Variants in CFAP77 observed in about 807,000 individuals in gnomAD.
CFAP77 encodes the protein cilia- and flagella-associated protein 77.
CFAP77 carries 25 observed loss-of-function variants against 31.1 expected under a neutral mutation model. The ratio of observed to expected loss-of-function variants is 0.80; its 90% CI spans 0.59 to 1.12. The LOEUF (loss-of-function observed/expected upper bound fraction) is 1.12. Among genes scored for constraint, CFAP77 ranks in the 50% most tolerant of loss-of-function variants. CFAP77 has a pLI of 0.00. For synonymous variants in CFAP77, 151 were observed against 159.9 expected, an observed-to-expected ratio of 0.94 and a Z score of 0.42; for missense variants, 377 against 397.3, an observed-to-expected ratio of 0.95 and a Z score of 0.44.
At chr9:132,543,861 G>A (rs1249484026) in intron 5 of CFAP77, among the ~76,000 whole-genome samples, 1 of 152,170 alleles carries the variant, frequency 6.6e-6, no homozygotes, top group Non-Finnish European at 1.5e-5. Context: ...GGCAGGGAAA[G>A]AACAATGTAA....
chr9:132,412,494 G>A lies in CFAP77; in HGVS notation c.195+2028G>A, dbSNP rs533900328. On this transcript the variant is annotated intron_variant, in intron 1 of 5. Transcript: ENST00000393216. ...TCAAAACCTGACATAAATAAAAGTT[G>A]GCAGAGAAATTGACCGCAAAAGGGA... Among the ~76,000 whole-genome samples the A allele has an allele frequency of 4.6e-5, 7 of 152,284 alleles. No homozygotes were observed. The East Asian group carries it at 9.6e-4, about 21-fold the overall frequency.
intron 1 of CFAP77, among the ~76,000 whole-genome samples, chr9:132,452,635 G>A (rs1381178920): frequency 6.6e-6 from 1 of 152,208 alleles, no homozygotes; most frequent in Non-Finnish European, 1.5e-5. Context: ...CCAGGAGTCA[G>A]GCCTGTGCCC....
chr9:132,421,557 G>A (rs4560912), intron 1 of CFAP77: 129,570 of 152,104 alleles, frequency 0.85, 55,637 homozygotes, highest in Middle Eastern at 0.95. Context: ...GAAAAGGGAT[G>A]GCGTGTTCAG....
intron 3 of CFAP77, among the ~76,000 whole-genome samples, chr9:132,519,974 G>A (rs981479282): frequency 6.6e-6 from 1 of 151,954 alleles, no homozygotes; most frequent in Non-Finnish European, 1.5e-5. Flanking sequence ...ACTAACGAAC[G>A]AGTGAACGTA....
intron 5 of CFAP77, among the ~76,000 whole-genome samples, chr9:132,555,449 A>G (rs1416843698): frequency 6.6e-6 from 1 of 152,230 alleles, no homozygotes; most frequent in Non-Finnish European, 1.5e-5. Context: ...CGGGCACTGC[A>G]TGGACGGCTC....
intron 5 of CFAP77, among the ~76,000 whole-genome samples, chr9:132,567,517 G>C (rs55636320): frequency 0.063 from 9,621 of 152,236 alleles, 419 homozygotes; most frequent in Non-Finnish European, 0.096. Context: ...ATGAGTGGGT[G>C]CTGGTGAGCC....
At chr9:132,496,071 C>T (rs1262273004) in intron 1 of CFAP77, among the ~76,000 whole-genome samples, 1 of 152,194 alleles carries the variant, frequency 6.6e-6, no homozygotes, top group Non-Finnish European at 1.5e-5. Context: ...TATTTATTAG[C>T]ATCTATTCTA....
intron 5 of CFAP77, among the ~76,000 whole-genome samples, chr9:132,568,501 A>G (rs894535930): frequency 1.3e-5 from 2 of 149,052 alleles, no homozygotes; most frequent in Non-Finnish European, 3.0e-5. Context: ...GGTTGCAGTG[A>G]GCCGAGATCA....
chr9:132,523,699 C>CGGCTTCCT, intron 3 of CFAP77, among the ~76,000 whole-genome samples: 1 of 152,358 alleles, frequency 6.6e-6, no homozygotes, highest in African/African-American at 2.4e-5. Flanking sequence ...GGTGAAACCT[C>CGGCTTCCT]AGGCTTCCTC....
rs1030887012 is a variant in CFAP77 at position 132,497,626 on chromosome 9, A to C, written c.196-1069A>C. Among the ~76,000 whole-genome samples, 2 of 152,126 alleles carry C rather than the reference A, an allele frequency of 1.3e-5. No homozygotes were observed. The highest frequency in any genetic ancestry group is 4.8e-5 in the African/African-American group (2 of 41,418). ...GGCAGCCAGCCTGGGTTCCAGTCCCAGCTCTGCCACTTCCTACTGCTTGAC... is the reference window on the plus strand; with the variant it reads ...GGCAGCCAGCCTGGGTTCCAGTCCCCGCTCTGCCACTTCCTACTGCTTGAC... On this transcript the variant is annotated intron_variant, in intron 1 of 5. Coordinates refer to ENST00000393216, the MANE Select transcript of CFAP77 (RefSeq NM_001282957.2). This position sits in a 1 kb window ranked among gnomAD's most constrained non-coding sequence, Gnocchi z 4.9.
rs193188127 is a variant in CFAP77, at chr9:132,460,838, G to A, written c.196-37857G>A. The stretch of plus-strand genomic sequence containing the variant: ...CCTCCTGGGTTCAAATGATCCTCCT[G>A]CCTCAGCCTCCTGAGTAGCTGGGAT... On this transcript the variant is annotated intron_variant, in intron 1 of 5. Transcript: ENST00000393216. 2.0e-5 allele frequency among the ~76,000 whole-genome samples: 3 copies of A among 152,260 alleles called. No individual in the cohort carries two copies. The East Asian group carries it at 5.8e-4, about 29-fold the overall frequency.
intron 3 of CFAP77, among the ~76,000 whole-genome samples, chr9:132,506,265 A>G (rs577752966): frequency 6.6e-6 from 1 of 152,348 alleles, no homozygotes; most frequent in East Asian, 1.9e-4. Flanking sequence ...ATCTCAAAGC[A>G]TGCTGCCACC....
chr9:132,452,473 G>A (rs1341170872), intron 1 of CFAP77, among the ~76,000 whole-genome samples: 2 of 152,230 alleles, frequency 1.3e-5, no homozygotes, highest in African/African-American at 2.4e-5. Context: ...GGCCAGGTTG[G>A]TGAGCAGTCC....
At chr9:132,426,247 C>G (rs1385923644) in intron 1 of CFAP77, among the ~76,000 whole-genome samples, 1 of 152,120 alleles carries the variant, frequency 6.6e-6, no homozygotes, top group African/African-American at 2.4e-5. Context: ...ATTTTTCATA[C>G]CAATTTTGAG....
chr9:132,474,516 G>T (rs1402986091), intron 1 of CFAP77, among the ~76,000 whole-genome samples: 6 of 152,160 alleles, frequency 3.9e-5, no homozygotes, highest in Non-Finnish European at 8.8e-5. Context: ...GCCACCGTTG[G>T]AATGTTCCAA....
intron 1 of CFAP77, among the ~76,000 whole-genome samples, chr9:132,434,476 T>C (rs1850469345): frequency 1.3e-5 from 2 of 152,196 alleles, no homozygotes; most frequent in South Asian, 4.1e-4. Context: ...TGTCTCCTAG[T>C]GAATAGTAGC....
chr9:132,530,467 G>A (rs1021378560), intron 3 of CFAP77, among the ~76,000 whole-genome samples: 31 of 152,034 alleles, frequency 2.0e-4, no homozygotes, highest in African/African-American at 7.5e-4. Context: ...TAGAGACGAG[G>A]TTTCACCATG....
Position 132,572,567 on chromosome 9 carries a change from G to C in CFAP77, c.*57G>C. ...TGACATAGTGGAAAATTCCCAGAAG[G>C]ACTCCCTATCTTGCCCCAACCCTGA... On this transcript the variant is annotated 3_prime_UTR_variant, in exon 6 of 6. Transcript: ENST00000393216. 1 of 1,551,788 alleles carries C rather than the reference G, an allele frequency of 6.4e-7. No homozygotes were observed. The highest frequency in any genetic ancestry group is 8.7e-7 in the Non-Finnish European group (1 of 1,150,800).
intron 1 of CFAP77, among the ~76,000 whole-genome samples, chr9:132,425,144 A>T (rs556983709): frequency 1.8e-4 from 28 of 152,296 alleles, no homozygotes; most frequent in African/African-American, 6.5e-4. Context: ...TATACCATTT[A>T]GGCCTTTCCC....
Sources: allele counts gnomAD v4.1 joint callset (sites outside exome capture counted in the v4.1 genomes callset), GRCh38; gene constraint gnomAD v4.1.1; non-coding constraint Gnocchi (gnomAD v3.1); transcripts MANE v1.5; gene names NCBI Gene and HGNC (gene_info 2026-07-23, HGNC 2026-07-21).